The following EPHA3 variants were observed in gnomAD, a reference collection of about 807,000 sequenced individuals.
The protein encoded by EPHA3 is EPH receptor A3.
Under a neutral mutation model 107.1 loss-of-function variants are expected in EPHA3, and 42 were observed. The observed-to-expected ratio is 0.39, with a 90% CI of 0.31 to 0.51. The LOEUF is 0.51. EPHA3 is among the 20% of genes least tolerant of loss of function. The pLI is 0.78. For synonymous variants in EPHA3, 461 were observed against 424.8 expected (o/e 1.09, Z -1.05); for missense variants, 1,183 against 1,211.2 (o/e 0.98, Z 0.35).
intron 5 of EPHA3, among the ~76,000 whole-genome samples, chr3:89,370,938 TGTGCACCTAGAC>T (rs72109786): frequency 0.22 from 33,690 of 151,524 alleles, 4,064 homozygotes; most frequent in Non-Finnish European, 0.27. Context: ...TCATCTTTTC[TGTGCACCTAGAC>T]AAAACATCTA....
intron 2 of EPHA3, among the ~76,000 whole-genome samples, chr3:89,178,076 T>C (rs1174130535): frequency 1.3e-5 from 2 of 152,154 alleles, no homozygotes; most frequent in Non-Finnish European, 2.9e-5. Context: ...TTATTTTGGG[T>C]TCTACCACTG....
At chr3:89,391,734 A>G (rs945252700) in intron 5 of EPHA3, among the ~76,000 whole-genome samples, 3 of 151,936 alleles carry the variant, frequency 2.0e-5, no homozygotes, top group Non-Finnish European at 2.9e-5. Context: ...CGCCCGGCCT[A>G]TTTGTATTCT....
intron 16 of EPHA3, among the ~76,000 whole-genome samples, chr3:89,474,429 T>G (rs1245639173): frequency 6.6e-6 from 1 of 152,202 alleles, no homozygotes; most frequent in Non-Finnish European, 1.5e-5. Context: ...TGTGTTTAAA[T>G]ATTTTTATAA....
chr3:89,477,424 C>T (rs941841225), intron 16 of EPHA3, among the ~76,000 whole-genome samples: 3 of 152,274 alleles, frequency 2.0e-5, no homozygotes, highest in South Asian at 2.1e-4. Flanking sequence ...AGTAGAGTCT[C>T]GGTTAATTTA....
At chr3:89,134,882 C>T (rs192952629) in intron 2 of EPHA3, among the ~76,000 whole-genome samples, 22 of 152,224 alleles carry the variant, frequency 1.4e-4, no homozygotes, top group Middle Eastern at 3.4e-3. Flanking sequence ...TCATTTCCAT[C>T]GTCTGAAATA....
chr3:89,431,610 T>A (rs1709571637), intron 13 of EPHA3, among the ~76,000 whole-genome samples: 1 of 152,162 alleles, frequency 6.6e-6, no homozygotes, highest in Admixed American at 6.6e-5. Context: ...AGCAAGATTC[T>A]CACATTCCTC....
In EPHA3 at chr3:89,171,787, G is replaced by A. The variant is rs147070544; in HGVS notation, c.154-38073G>A. 7.2e-5 allele frequency among the ~76,000 whole-genome samples: 11 copies of A among 152,216 alleles called. No homozygotes were observed. In the East Asian group the frequency reaches 2.1e-3, roughly 30 times the overall value. On this transcript the variant is annotated intron_variant, in intron 2 of 16. Coordinates refer to ENST00000336596, the MANE Select transcript of EPHA3 (RefSeq NM_005233.6). ...ATAACCAGAAAAGCAAAGGTTCATG[G>A]CCTGACTTAAAACTCCTTTGAATCA... is the stretch of plus-strand genomic sequence containing the variant.
chr3:89,202,515 C>CAA (rs375753577), intron 2 of EPHA3, among the ~76,000 whole-genome samples: 28 of 116,876 alleles, frequency 2.4e-4, no homozygotes, highest in African/African-American at 9.0e-4. Context: ...GACTCTGTCT[C>CAA]AAAAAAAAAA....
intron 16 of EPHA3, among the ~76,000 whole-genome samples, chr3:89,475,682 T>C (rs949137164): frequency 6.6e-6 from 1 of 152,216 alleles, no homozygotes; most frequent in Non-Finnish European, 1.5e-5. Context: ...GTGTGTGGAA[T>C]GAATATTAAG....
At position 89,248,148 on chromosome 3, in the gene EPHA3, G is replaced by A. The variant is rs116526886; in HGVS notation, c.814+37628G>A. On this transcript the variant is annotated intron_variant, in intron 3 of 16. Transcript: ENST00000336596. ...TCAATCTAATCATTTCCTTAAATGC[G>A]CTGCAACATCTACTGCCTGCACTTT... Among the ~76,000 whole-genome samples the A allele has an allele frequency of 7.7e-3, 1,175 of 151,996 alleles. 18 individuals carry two copies. Among genetic ancestry groups the A allele is most frequent in the African/African-American group, 0.027 (1,105 of 41,446 alleles).
chr3:89,383,532 C>T (rs896550876), intron 5 of EPHA3, among the ~76,000 whole-genome samples: 1 of 151,900 alleles, frequency 6.6e-6, no homozygotes, highest in Non-Finnish European at 1.5e-5. Flanking sequence ...GCTGTTCTAG[C>T]CCTGAATGAC....
chr3:89,399,484 T>C lies in EPHA3; in HGVS notation c.1594+4T>C, dbSNP rs1430653652. 3.1e-6 allele frequency: 5 copies of C among 1,613,936 alleles called. No homozygotes were observed. The highest frequency in any genetic ancestry group is 1.3e-5 in the African/African-American group (1 of 74,920). On this transcript the variant is annotated splice_donor_region_variant and intron_variant, in intron 7 of 16. Coordinates refer to ENST00000336596, the MANE Select transcript of EPHA3 (RefSeq NM_005233.6). The stretch of plus-strand genomic sequence containing the variant: ...GAGTTTGAAACTAGTCCAGACTGTA[T>C]GTATTATTTCAATGCAGTCTAGAGG...
intron 13 of EPHA3, among the ~76,000 whole-genome samples, chr3:89,436,746 T>A (rs1709678233): frequency 6.6e-6 from 1 of 152,230 alleles, no homozygotes; most frequent in South Asian, 2.1e-4. Flanking sequence ...CAGTCAAAGA[T>A]ATTTTCTCAC....
chr3:89,346,288 T>C (rs1707651330), intron 5 of EPHA3, among the ~76,000 whole-genome samples: 1 of 130,878 alleles, frequency 7.6e-6, no homozygotes, highest in Admixed American at 7.5e-5. Flanking sequence ...TGTTGTTTCC[T>C]GACTTTTTAA....
At chr3:89,297,408 G>A (rs1311093747) in intron 3 of EPHA3, among the ~76,000 whole-genome samples, 2 of 152,134 alleles carry the variant, frequency 1.3e-5, no homozygotes, top group Non-Finnish European at 2.9e-5. Context: ...GGAGGCCAGA[G>A]GAGAAGCAGA....
At chr3:89,375,955 G>A (rs78889478) in intron 5 of EPHA3, among the ~76,000 whole-genome samples, 46 of 151,962 alleles carry the variant, frequency 3.0e-4, no homozygotes, top group African/African-American at 1.1e-3. Context: ...AAAGGCAGGC[G>A]ACACATCTGC....
rs754818412 is a variant in EPHA3 at position 89,341,072 on chromosome 3, G to A, written c.970+1G>A. 6.8e-6 allele frequency: 11 copies of A among 1,611,346 alleles called. No individual in the cohort carries two copies. The highest frequency in any genetic ancestry group is 2.7e-5 in the African/African-American group (2 of 74,698). ...GACCCTCCATCCATGGCTTGTACCC[G>A]TGAGTAGTTTTGCTGCAACCCATGC... On this transcript the variant is annotated splice_donor_variant, in intron 4 of 16. Coordinates refer to ENST00000336596, the MANE Select transcript of EPHA3 (RefSeq NM_005233.6). LOFTEE classifies it high-confidence loss of function.
chr3:89,190,389 A>G (rs1705682520), intron 2 of EPHA3, among the ~76,000 whole-genome samples: 1 of 152,190 alleles, frequency 6.6e-6, no homozygotes, highest in East Asian at 1.9e-4. Flanking sequence ...ATATCTACCA[A>G]TTAACTGGGT....
intron 1 of EPHA3, 70 bp downstream of exon 1, chr3:89,107,906 C>T: frequency 1.4e-6 from 2 of 1,475,054 alleles, no homozygotes; most frequent in East Asian, 4.5e-5. Flanking sequence ...ACGTTCTCAC[C>T]GAAGCCTTGC....
Sources: allele counts gnomAD v4.1 joint callset (sites outside exome capture counted in the v4.1 genomes callset), GRCh38; gene constraint gnomAD v4.1.1; transcripts MANE v1.5; gene names NCBI Gene and HGNC (gene_info 2026-07-23, HGNC 2026-07-21).